The following DNAAF9 variants were observed in gnomAD, a reference collection of about 807,000 sequenced individuals.
DNAAF9 encodes shulin.
Under a neutral mutation model 167.0 loss-of-function variants are expected in DNAAF9, and 90 were observed. The observed-to-expected ratio is 0.54, with a 90% CI of 0.45 to 0.64. The LOEUF (loss-of-function observed/expected upper bound fraction) is 0.64. Among genes scored for constraint, DNAAF9 ranks in the 30% least tolerant of loss-of-function variants. DNAAF9 has a pLI of 0.00. For missense variants in DNAAF9, 1,315 were observed against 1,442.2 expected, an observed-to-expected ratio of 0.91 and a Z score of 1.43; for synonymous variants, 491 against 508.8, an observed-to-expected ratio of 0.96 and a Z score of 0.47.
intron 6 of DNAAF9, among the ~76,000 whole-genome samples, chr20:3,366,998 C>T (rs1009521639): frequency 1.6e-4 from 24 of 152,066 alleles, no homozygotes; most frequent in Admixed American, 5.9e-4. Context: ...TCTTCTTATA[C>T]AAGGCTGTTG....
Position 3,295,855 on chromosome 20 carries a change from G to T in DNAAF9, c.2018+1006C>A, listed in dbSNP as rs74667279. On this transcript the variant is annotated intron_variant, in intron 23 of 36. Transcript: ENST00000252032. Reference sequence around the variant, plus strand: ...TAAACAAAGAGTTTAATCCCCAAACGACATCCTTTAATGTTCTCATGGGAG... The same window carrying T: ...TAAACAAAGAGTTTAATCCCCAAACTACATCCTTTAATGTTCTCATGGGAG... 4.1e-6 allele frequency: 4 copies of T among 987,096 alleles called. No homozygotes were observed. The African/African-American group carries it at 4.8e-5, about 12-fold the overall frequency. The allele number at this position is 987,096 out of a possible 1,614,324, so 61.1% of individuals were successfully genotyped here. A position where few individuals can be genotyped will look rare whatever the true frequency, so the allele number is the denominator to read the frequency against.
intron 6 of DNAAF9, among the ~76,000 whole-genome samples, chr20:3,365,426 C>T (rs1302225262): frequency 1.3e-5 from 2 of 151,208 alleles, no homozygotes; most frequent in African/African-American, 2.5e-5. Flanking sequence ...GAGTCTCGCT[C>T]TGTTGCCCAG....
intron 1 of DNAAF9, among the ~76,000 whole-genome samples, chr20:3,402,510 A>G (rs1156939242): frequency 6.6e-6 from 1 of 152,150 alleles, no homozygotes; most frequent in African/African-American, 2.4e-5. Flanking sequence ...TATATCCTTC[A>G]ATCAACATCT....
chr20:3,392,310 C>A (rs2083837949), intron 1 of DNAAF9, among the ~76,000 whole-genome samples: 1 of 152,188 alleles, frequency 6.6e-6, no homozygotes, highest in South Asian at 2.1e-4. Flanking sequence ...ACTCAGCAGA[C>A]CCAATAATGC....
chr20:3,354,260 T>A (rs1292199248), intron 7 of DNAAF9, among the ~76,000 whole-genome samples: 1 of 152,228 alleles, frequency 6.6e-6, no homozygotes, highest in Non-Finnish European at 1.5e-5. Flanking sequence ...ACATAAACAC[T>A]GCATTTGTGG....
At position 3,382,474 on chromosome 20, in the gene DNAAF9, A is replaced by T. The variant is rs1362101707; in HGVS notation, c.116T>A (p.Leu39Gln). 6.2e-7 allele frequency: 1 copy of T among 1,614,044 alleles called. No homozygotes were observed. Among genetic ancestry groups the T allele is most frequent in the Non-Finnish European group, 8.5e-7 (1 of 1,179,898 alleles). The stretch of plus-strand genomic sequence containing the variant: ...CGGCCGAGACTTGCTGCTCTGGGTC[A>T]GGATGCTCTGAACCTGCCGAAGTCG... Reference protein sequence around the residue: ...CSRLRQVQSILTQSSKSRPDG... With the variant: ...CSRLRQVQSIQTQSSKSRPDG... Residue 39 changes from leucine (L) to glutamine (Q), a missense_variant, in exon 2 of 37, where the codon CTG becomes CAG. Transcript: ENST00000252032.
Position 3,375,125 on chromosome 20 carries a change from T to C in DNAAF9, c.410A>G (p.Tyr137Cys). 1 of 1,558,976 alleles carries C rather than the reference T, an allele frequency of 6.4e-7. No individual in the cohort carries two copies. The highest frequency in any genetic ancestry group is 8.8e-7 in the Non-Finnish European group (1 of 1,129,984). The change falls in exon 5 of 37, where the codon TAT becomes TGT. Residue 137 changes from tyrosine to cysteine, a missense_variant and splice_region_variant. Transcript: ENST00000252032. ...LHFHCMTENE[Y>C]EDEEAAEEFK... ...TTCTTCTGCGGCTTCTTCATCTTCATACTGAAGAGACAAATCAAAAGAAAA... is the reference window on the plus strand; with the variant it reads ...TTCTTCTGCGGCTTCTTCATCTTCACACTGAAGAGACAAATCAAAAGAAAA...
chr20:3,341,649 T>C (rs1050725194), intron 9 of DNAAF9, among the ~76,000 whole-genome samples: 2 of 152,254 alleles, frequency 1.3e-5, no homozygotes, highest in African/African-American at 4.8e-5. Context: ...TTCTTCCATC[T>C]TCATGGCCAC....
chr20:3,319,082 C>CAA lies in DNAAF9; in HGVS notation c.1357-684_1357-683dup, dbSNP rs71195834. 8.6e-3 allele frequency among the ~76,000 whole-genome samples: 608 copies of CAA among 71,002 alleles called. 1 individual carries two copies. Among genetic ancestry groups the CAA allele is most frequent in the African/African-American group, 0.016 (254 of 16,080 alleles). 46.6% of individuals were successfully genotyped at this position (71,002 alleles called of 152,430 possible). A position where few individuals can be genotyped will look rare whatever the true frequency, so the allele number is the denominator to read the frequency against. On this transcript the variant is annotated intron_variant, in intron 16 of 36. Transcript: ENST00000252032. ...TGGGCAACAGAGCAAGACTCTGTCT[C>CAA]AAAAAAAAAAAAAAAAAAAAAAGAA...
At chr20:3,284,794 T>C (rs972159248) in intron 27 of DNAAF9, among the ~76,000 whole-genome samples, 9 of 152,196 alleles carry the variant, frequency 5.9e-5, no homozygotes, top group Non-Finnish European at 1.3e-4. Context: ...AGAGTATAAA[T>C]ACAGCCCCTC....
chr20:3,319,020 C>A (rs1448272763), intron 16 of DNAAF9, among the ~76,000 whole-genome samples: 2 of 140,158 alleles, frequency 1.4e-5, no homozygotes, highest in African/African-American at 5.4e-5. Context: ...GAGGTGGAGG[C>A]TGCAGTGAGC....
intron 6 of DNAAF9, among the ~76,000 whole-genome samples, chr20:3,368,883 C>G (rs2083469668): frequency 6.5e-3 from 1 of 154 alleles, no homozygotes; most frequent in Non-Finnish European, 0.014. Context: ...GCCTGTAATC[C>G]CAGCTTTCAG....
In DNAAF9 at chr20:3,281,837, G is replaced by A. The variant is rs1397037959; in HGVS notation, c.2487-71C>T. 8 of 1,494,004 alleles carry A rather than the reference G, an allele frequency of 5.4e-6. No individual in the cohort carries two copies. In the East Asian group the frequency reaches 7.3e-5, roughly 14 times the overall value. 92.5% of individuals were successfully genotyped at this position (1,494,004 alleles called of 1,614,324 possible). Reference sequence around the variant, plus strand: ...CAAAGTGGAGGAAGAGGGGAATCCCGAATGGCTGATTGAACAAGGATGGAA... The same window carrying A: ...CAAAGTGGAGGAAGAGGGGAATCCCAAATGGCTGATTGAACAAGGATGGAA... On this transcript the variant is annotated intron_variant, in intron 27 of 36. Coordinates refer to ENST00000252032, the MANE Select transcript of DNAAF9 (RefSeq NM_001009984.3).
At chr20:3,274,738 C>T (rs141326195) in intron 29 of DNAAF9, among the ~76,000 whole-genome samples, 1 of 152,210 alleles carries the variant, frequency 6.6e-6, no homozygotes, top group African/African-American at 2.4e-5. Flanking sequence ...ACCATCAGCA[C>T]TGTCAATTGA....
At chr20:3,375,216 C>T in intron 4 of DNAAF9, 90 bp from the exon 5 acceptor site, 1 of 844,380 alleles carries the variant, frequency 1.2e-6, no homozygotes, top group African/African-American at 1.7e-5. Context: ...CCAGAGTTGT[C>T]CCAAATGACA....
chr20:3,374,411 TA>T lies in DNAAF9; in HGVS notation c.506-258del, dbSNP rs372276566. On this transcript the variant is annotated intron_variant, in intron 5 of 36. Transcript: ENST00000252032. The stretch of plus-strand genomic sequence containing the variant: ...TATTGTAACATTCCAGTTTCCTGAG[TA>T]AATTAAGTAAAAAATAAGAGTAGTC... Among the ~76,000 whole-genome samples, 379 of 152,318 alleles carry T rather than the reference TA, an allele frequency of 2.5e-3. 1 individual carries two copies. Among genetic ancestry groups the T allele is most frequent in the African/African-American group, 8.3e-3 (345 of 41,560 alleles).
intron 28 of DNAAF9, among the ~76,000 whole-genome samples, chr20:3,280,349 C>T (rs1341265272): frequency 2.0e-5 from 3 of 151,932 alleles, no homozygotes; most frequent in East Asian, 2.0e-4. Flanking sequence ...GATCACCTGA[C>T]GTTGGAAGTT....
chr20:3,352,846 T>TTA (rs11471503), intron 7 of DNAAF9, among the ~76,000 whole-genome samples: 59,510 of 146,506 alleles, frequency 0.41, 12,043 homozygotes, highest in Middle Eastern at 0.54. Context: ...TTCAAAATAT[T>TTA]TATATATATA....
chr20:3,387,707 T>C (rs997447673), intron 1 of DNAAF9, among the ~76,000 whole-genome samples: 10 of 151,310 alleles, frequency 6.6e-5, no homozygotes, highest in African/African-American at 2.4e-4. Context: ...AGACAACCCA[T>C]CTATATAACT....
Sources: gnomAD v4.1 joint callset for allele counts (sites outside exome capture counted in the v4.1 genomes callset) on GRCh38, gnomAD v4.1.1 for gene constraint, MANE v1.5 for transcripts, NCBI Gene and HGNC (gene_info 2026-07-23, HGNC 2026-07-21) for gene names.